PCBP3: variants seen among roughly 807,000 people sequenced by gnomAD.
The protein encoded by PCBP3 is poly(rC) binding protein 3, also known as poly(rC)-binding protein 3.
Under a neutral mutation model 52.7 loss-of-function variants are expected in PCBP3, and 25 were observed. The ratio of observed to expected loss-of-function variants is 0.47; its 90% CI spans 0.35 to 0.66. The LOEUF is 0.66. PCBP3 is among the 30% of genes least tolerant of loss of function. PCBP3 has a pLI of 0.01. For synonymous variants in PCBP3, 162 were observed against 183.0 expected, an observed-to-expected ratio of 0.89 and a Z score of 0.93; for missense variants, 391 against 490.3, an observed-to-expected ratio of 0.80 and a Z score of 1.91.
intron 2 of PCBP3, chr21:45,673,560 T>A (rs934944640): frequency 1.1e-4 from 17 of 152,180 alleles, no homozygotes; most frequent in African/African-American, 3.9e-4. Flanking sequence ...TGCCTGGGCC[T>A]TCTTGCTTTG....
intron 9 of PCBP3, among the ~76,000 whole-genome samples, chr21:45,903,940 G>A (rs899073553): frequency 2.4e-4 from 36 of 152,180 alleles, no homozygotes; most frequent in East Asian, 1.9e-4. Flanking sequence ...TGTGAAATGT[G>A]AAACCAAGGA....
At chr21:45,755,563 G>C (rs1055523903) in intron 4 of PCBP3, among the ~76,000 whole-genome samples, 111 bp downstream of exon 4, 3 of 152,200 alleles carry the variant, frequency 2.0e-5, no homozygotes, top group Non-Finnish European at 4.4e-5. Flanking sequence ...CCTGTTGCTT[G>C]TGAAATAAAT....
chr21:45,777,168 C>A (rs2090322690), intron 4 of PCBP3, among the ~76,000 whole-genome samples: 1 of 152,132 alleles, frequency 6.6e-6, no homozygotes, highest in African/African-American at 2.4e-5. Flanking sequence ...CATAATTTTG[C>A]TGGATATAGT....
intron 17 of PCBP3, 142 bp downstream of exon 17, chr21:45,940,341 C>A: frequency 1.4e-6 from 1 of 709,322 alleles, no homozygotes; most frequent in Non-Finnish European, 2.3e-6. Context: ...CTGCTCCAGG[C>A]TGGATGGTGG....
At chr21:45,695,692 A>G (rs2082725543) in intron 2 of PCBP3, among the ~76,000 whole-genome samples, 1 of 151,998 alleles carries the variant, frequency 6.6e-6, no homozygotes, top group South Asian at 2.1e-4. Flanking sequence ...CCCTACTCAA[A>G]TTACTTCTGT....
intron 4 of PCBP3, among the ~76,000 whole-genome samples, chr21:45,793,172 C>T (rs1172905207): frequency 6.6e-6 from 1 of 152,160 alleles, no homozygotes; most frequent in Non-Finnish European, 1.5e-5. Flanking sequence ...CTCGGTCAGA[C>T]ACACGGCTCC....
At chr21:45,734,003 G>A (rs553597243) in intron 2 of PCBP3, among the ~76,000 whole-genome samples, 20 of 152,236 alleles carry the variant, frequency 1.3e-4, no homozygotes, top group South Asian at 8.3e-4. Flanking sequence ...AGTTTTGGAC[G>A]GATGAAAGAC....
chr21:45,784,944 C>T (rs1188317083), intron 4 of PCBP3, among the ~76,000 whole-genome samples: 1 of 151,426 alleles, frequency 6.6e-6, no homozygotes, highest in Non-Finnish European at 1.5e-5. Flanking sequence ...GTGAGGAGCC[C>T]CTCTGCCTGG....
chr21:45,655,562 GT>G (rs1217626287), intron 1 of PCBP3, among the ~76,000 whole-genome samples: 11 of 151,962 alleles, frequency 7.2e-5, no homozygotes, highest in Non-Finnish European at 1.3e-4. Flanking sequence ...GGCCCTTTTT[GT>G]TTTTTCTTTG....
intron 4 of PCBP3, among the ~76,000 whole-genome samples, chr21:45,766,490 C>T (rs536008659): frequency 1.3e-5 from 2 of 152,336 alleles, no homozygotes; most frequent in Admixed American, 6.5e-5. Context: ...TCTGCAAAAC[C>T]GAGGAAGAAC....
chr21:45,905,227 C>G (rs148470111), intron 9 of PCBP3, among the ~76,000 whole-genome samples: 102 of 152,304 alleles, frequency 6.7e-4, no homozygotes, highest in African/African-American at 2.3e-3. Context: ...GAATGACCCC[C>G]CAGAGCACCT....
chr21:45,929,908 C>T lies in PCBP3; in HGVS notation c.718-9C>T, dbSNP rs749959774. 115 of 1,611,534 alleles carry T rather than the reference C, an allele frequency of 7.1e-5. No homozygotes were observed. Among genetic ancestry groups the T allele is most frequent in the Non-Finnish European group, 9.2e-5 (108 of 1,177,936 alleles). On this transcript the variant is annotated splice_polypyrimidine_tract_variant and intron_variant, in intron 13 of 17. Coordinates refer to ENST00000681687, the MANE Select transcript of PCBP3 (RefSeq NM_001384156.1). The stretch of plus-strand genomic sequence containing the variant: ...AACCTTCTTAGCTCTCGTGTCCCTC[C>T]TACCCCAGCAGTTGACCAAGCTCCA...
At chr21:45,707,276 G>A (rs1327796920) in intron 2 of PCBP3, among the ~76,000 whole-genome samples, 1 of 152,124 alleles carries the variant, frequency 6.6e-6, no homozygotes, top group Non-Finnish European at 1.5e-5. Context: ...GGCACTTTGG[G>A]AGGCTGAGGC....
chr21:45,911,116 G>C lies in PCBP3; in HGVS notation c.600+86G>C, dbSNP rs755763768. The C allele has an allele frequency of 4.2e-5, 63 of 1,486,192 alleles. No homozygotes were observed. In the Admixed American group the frequency reaches 1.1e-3, roughly 25 times the overall value. The allele number at this position is 1,486,192 out of a possible 1,614,324, so 92.1% of individuals were successfully genotyped here. A position where few individuals can be genotyped will look rare whatever the true frequency, so the allele number is the denominator to read the frequency against. Reference sequence around the variant, plus strand: ...AGGCAAAGGCTTGGAAGCCCCGGTCGCCCCAAGGACTCACACAGTTGGGGC... The same window carrying C: ...AGGCAAAGGCTTGGAAGCCCCGGTCCCCCCAAGGACTCACACAGTTGGGGC... On this transcript the variant is annotated intron_variant, in intron 11 of 17. Transcript: ENST00000681687.
intron 4 of PCBP3, chr21:45,848,116 A>G (rs1207917859): frequency 6.6e-6 from 1 of 152,290 alleles, no homozygotes; most frequent in Non-Finnish European, 1.5e-5. Flanking sequence ...GACAAAACGC[A>G]CAAACAAAGC....
At chr21:45,909,539 G>A in intron 10 of PCBP3, 53 bp downstream of exon 10, 1 of 1,585,228 alleles carries the variant, frequency 6.3e-7, no homozygotes. Context: ...GCGGGCTGCG[G>A]GTGGTGGCCA....
intron 5 of PCBP3, among the ~76,000 whole-genome samples, chr21:45,850,556 A>C (rs994032247): frequency 3.3e-5 from 5 of 152,210 alleles, no homozygotes; most frequent in African/African-American, 4.8e-5. Flanking sequence ...TTGAGCTGCT[A>C]CCATGAACTT....
chr21:45,870,802 G>A (rs1388372070), intron 5 of PCBP3: 1 of 152,532 alleles, frequency 6.6e-6, no homozygotes, highest in Non-Finnish European at 1.5e-5. Context: ...TGTGAGTAGT[G>A]TTACCCTGTT....
chr21:45,646,063 C>CTT (rs1307673102), intron 1 of PCBP3, among the ~76,000 whole-genome samples: 5 of 119,078 alleles, frequency 4.2e-5, no homozygotes, highest in African/African-American at 1.8e-4. Context: ...TTCTCTCTCT[C>CTT]TCTCTCTCTC....
Sources: gnomAD v4.1 joint callset for allele counts (sites outside exome capture counted in the v4.1 genomes callset) on GRCh38, gnomAD v4.1.1 for gene constraint, MANE v1.5 for transcripts, NCBI Gene and HGNC (gene_info 2026-07-23, HGNC 2026-07-21) for gene names.